Variants in SENP2 observed in about 807,000 individuals in gnomAD.
The protein encoded by SENP2 is sentrin-specific protease 2.
Under a neutral mutation model 86.3 loss-of-function variants are expected in SENP2, and 16 were observed. That is an observed-to-expected ratio of 0.19 (90% CI 0.13 to 0.28). SENP2 has a LOEUF of 0.28. Among genes scored for constraint, SENP2 ranks in the 10% least tolerant of loss-of-function variants. The probability of loss-of-function intolerance (pLI) is 1.00; values close to 1 mark genes in which losing one functional copy is unlikely to be tolerated. For missense variants in SENP2, 552 were observed against 703.0 expected, an observed-to-expected ratio of 0.79 and a Z score of 2.43; for synonymous variants, 222 against 238.7, an observed-to-expected ratio of 0.93 and a Z score of 0.64.
chr3:185,590,017 T>G, intron 1 of SENP2, 97 bp from the exon 2 acceptor site: 1 of 604,054 alleles, frequency 1.7e-6, no homozygotes, highest in Non-Finnish European at 2.7e-6. Flanking sequence ...GACAAAGTGA[T>G]AGAAGGGGGA....
intron 13 of SENP2, among the ~76,000 whole-genome samples, chr3:185,620,743 G>A (rs191567992): frequency 9.9e-4 from 151 of 152,010 alleles, no homozygotes; most frequent in African/African-American, 3.5e-3. Flanking sequence ...GCACCTGGCC[G>A]AGGAGCTTTC....
chr3:185,610,422 A>C (rs1722649971), intron 7 of SENP2, among the ~76,000 whole-genome samples: 1 of 152,076 alleles, frequency 6.6e-6, no homozygotes, highest in African/African-American at 2.4e-5. Context: ...TCAGCCTCCC[A>C]GAGTGCTGGG....
intron 8 of SENP2, 39 bp downstream of exon 8, chr3:185,611,784 C>T: frequency 7.2e-7 from 1 of 1,382,872 alleles, no homozygotes; most frequent in Admixed American, 1.8e-5. Flanking sequence ...ATATATTGAC[C>T]TTAGTTCATG....
chr3:185,590,063 G>A, intron 1 of SENP2, 51 bp from the exon 2 acceptor site: 1 of 1,014,082 alleles, frequency 9.9e-7, no homozygotes, highest in Non-Finnish European at 1.4e-6. Flanking sequence ...TTACAGAAAT[G>A]AATGTGTGTG....
chr3:185,614,541 A>C, intron 10 of SENP2, 23 bp from the exon 11 acceptor site: 1 of 1,584,408 alleles, frequency 6.3e-7, no homozygotes, highest in Non-Finnish European at 8.6e-7. Flanking sequence ...ATGTCAGTAG[A>C]ATTTAGATAA....
intron 7 of SENP2, among the ~76,000 whole-genome samples, chr3:185,611,051 G>A (rs1368122684): frequency 6.6e-6 from 1 of 152,210 alleles, no homozygotes; most frequent in Non-Finnish European, 1.5e-5. Flanking sequence ...CGAGGCAGGT[G>A]GGTCACTGGA....
chr3:185,616,791 C>T (rs182159992), intron 11 of SENP2, among the ~76,000 whole-genome samples: 2 of 124,836 alleles, frequency 1.6e-5, no homozygotes, highest in South Asian at 2.8e-4. Context: ...AAAAAAAAAA[C>T]GTTTAAAGTG....
intron 5 of SENP2, among the ~76,000 whole-genome samples, chr3:185,601,923 C>T (rs2148985038): frequency 6.6e-6 from 1 of 152,308 alleles, no homozygotes; most frequent in East Asian, 1.9e-4. Flanking sequence ...CAGGCGTGAG[C>T]CACTGCGTGC....
intron 5 of SENP2, among the ~76,000 whole-genome samples, chr3:185,604,329 G>A (rs1722442347): frequency 1.3e-5 from 2 of 152,116 alleles, no homozygotes; most frequent in Non-Finnish European, 2.9e-5. Context: ...GTTTTTTAAT[G>A]TTTGTTTTCT....
At chr3:185,625,122 T>TG (rs1356286907) in intron 15 of SENP2, among the ~76,000 whole-genome samples, 1 of 151,814 alleles carries the variant, frequency 6.6e-6, no homozygotes, top group Admixed American at 6.6e-5. Context: ...AATTTTTTTT[T>TG]TTTTTTTGAG....
chr3:185,601,437 T>C (rs1166220002), intron 5 of SENP2, among the ~76,000 whole-genome samples: 1 of 152,190 alleles, frequency 6.6e-6, no homozygotes, highest in African/African-American at 2.4e-5. Context: ...AACTTAAAAA[T>C]ATAATTATGC....
At chr3:185,601,120 T>C (rs779391982) in intron 5 of SENP2, among the ~76,000 whole-genome samples, 6 of 150,044 alleles carry the variant, frequency 4.0e-5, no homozygotes, top group South Asian at 2.1e-4. Flanking sequence ...CTTGGCTCAC[T>C]GTGACCTCTG....
At chr3:185,592,120 C>T (rs575658039) in intron 2 of SENP2, among the ~76,000 whole-genome samples, 1 of 143,780 alleles carries the variant, frequency 7.0e-6, no homozygotes, top group African/African-American at 2.6e-5. Flanking sequence ...ACTGTGTTGC[C>T]CAGGCTTCAG....
chr3:185,591,743 T>C (rs114654683), intron 2 of SENP2, among the ~76,000 whole-genome samples: 2,875 of 151,738 alleles, frequency 0.019, 99 homozygotes, highest in African/African-American at 0.066. Context: ...TCTATTTTTT[T>C]TTTTCGAGAC....
chr3:185,613,146 G>A (rs1722749552), intron 9 of SENP2, among the ~76,000 whole-genome samples, 199 bp from the exon 10 acceptor site: 1 of 152,206 alleles, frequency 6.6e-6, no homozygotes, highest in Non-Finnish European at 1.5e-5. Context: ...GCCACGATGT[G>A]CCCAAGACCA....
intron 16 of SENP2, among the ~76,000 whole-genome samples, chr3:185,629,112 C>T (rs893232348): frequency 9.2e-5 from 14 of 152,094 alleles, no homozygotes; most frequent in Admixed American, 7.9e-4. Context: ...TAAATAAATA[C>T]GTTTTTCTCA....
At chr3:185,596,562 A>G (rs1722179719) in intron 2 of SENP2, among the ~76,000 whole-genome samples, 1 of 151,656 alleles carries the variant, frequency 6.6e-6, no homozygotes, top group Non-Finnish European at 1.5e-5. Context: ...TTGAGGCTGC[A>G]GTGAGTAGTG....
chr3:185,593,430 C>T (rs1364422902), intron 2 of SENP2, among the ~76,000 whole-genome samples: 2 of 152,030 alleles, frequency 1.3e-5, no homozygotes, highest in African/African-American at 4.8e-5. Flanking sequence ...TTTCAAATGA[C>T]AGGAATTTAT....
chr3:185,603,580 T>C (rs896106205), intron 5 of SENP2, among the ~76,000 whole-genome samples: 1 of 152,224 alleles, frequency 6.6e-6, no homozygotes, highest in Non-Finnish European at 1.5e-5. Context: ...AAAATTGCTA[T>C]GAAGGTTATT....
Sources: gnomAD v4.1 joint callset for allele counts (sites outside exome capture counted in the v4.1 genomes callset) on GRCh38, gnomAD v4.1.1 for gene constraint, MANE v1.5 for transcripts, NCBI Gene and HGNC (gene_info 2026-07-23, HGNC 2026-07-21) for gene names.